RNF220: variants seen among roughly 807,000 people sequenced by gnomAD.
RNF220 encodes E3 ubiquitin-protein ligase RNF220.
In RNF220, 7 loss-of-function variants were observed where a neutral mutation model predicts 67.1. The observed-to-expected ratio is 0.10, with a 90% CI of 0.06 to 0.20. The LOEUF (loss-of-function observed/expected upper bound fraction) is 0.20, where lower values mean the gene tolerates loss of function less well. Among genes scored for constraint, RNF220 ranks in the 10% least tolerant of loss-of-function variants. The pLI, the probability that RNF220 is intolerant of heterozygous loss-of-function variation, is 1.00. For synonymous variants in RNF220, 270 were observed against 283.2 expected, an observed-to-expected ratio of 0.95 and a Z score of 0.47; for missense variants, 565 against 740.3, an observed-to-expected ratio of 0.76 and a Z score of 2.75.
intron 2 of RNF220, among the ~76,000 whole-genome samples, chr1:44,498,501 T>C (rs12081488): frequency 0.01 from 1,587 of 152,224 alleles, 27 homozygotes; most frequent in African/African-American, 0.036. Context: ...ACTGATATCC[T>C]TGAAGTCCCC....
chr1:44,577,252 C>A (rs1441873174), intron 2 of RNF220, among the ~76,000 whole-genome samples: 1 of 152,172 alleles, frequency 6.6e-6, no homozygotes, highest in African/African-American at 2.4e-5. Flanking sequence ...AAGTACAAGC[C>A]CCTGCAGCCT....
At chr1:44,495,685 T>G (rs1429509043) in intron 2 of RNF220, among the ~76,000 whole-genome samples, 1 of 152,186 alleles carries the variant, frequency 6.6e-6, no homozygotes, top group African/African-American at 2.4e-5. Context: ...CTGCCCACCT[T>G]GGCCTCCCAA....
intron 8 of RNF220, among the ~76,000 whole-genome samples, chr1:44,640,100 C>T (rs1644444720): frequency 6.6e-6 from 1 of 152,264 alleles, no homozygotes; most frequent in Non-Finnish European, 1.5e-5. Flanking sequence ...TGGCACAAAT[C>T]TTTTATCTGG....
chr1:44,632,631 C>A (rs904280689), intron 6 of RNF220: 3 of 582,608 alleles, frequency 5.1e-6, no homozygotes, highest in Non-Finnish European at 9.2e-6. Context: ...CCTGGGGGGG[C>A]AATAAGTGCC....
At chr1:44,463,801 A>G (rs1654017988) in intron 2 of RNF220, among the ~76,000 whole-genome samples, 1 of 152,164 alleles carries the variant, frequency 6.6e-6, no homozygotes, top group South Asian at 2.1e-4. Context: ...CTCCCTTCTA[A>G]TTCACTCATG....
chr1:44,474,188 A>G (rs1314444791), intron 2 of RNF220, among the ~76,000 whole-genome samples: 1 of 151,942 alleles, frequency 6.6e-6, no homozygotes, highest in African/African-American at 2.4e-5. Context: ...CAGCCTGGCC[A>G]ACATGGTGAA....
intron 2 of RNF220, among the ~76,000 whole-genome samples, chr1:44,510,692 G>A (rs1658914680): frequency 1.3e-5 from 2 of 152,090 alleles, no homozygotes. Context: ...ATGGTTTCTA[G>A]TGGCACGATG....
At chr1:44,551,656 A>G (rs968480900) in intron 2 of RNF220, among the ~76,000 whole-genome samples, 9 of 152,182 alleles carry the variant, frequency 5.9e-5, no homozygotes, top group African/African-American at 2.2e-4. Context: ...CAATTTTTAA[A>G]TCTTTACTAA....
At chr1:44,544,268 A>G (rs1325842800) in intron 2 of RNF220, among the ~76,000 whole-genome samples, 1 of 152,206 alleles carries the variant, frequency 6.6e-6, no homozygotes, top group African/African-American at 2.4e-5. Flanking sequence ...ACTGCTCTCC[A>G]TCCCTGTCTT....
At chr1:44,575,734 G>A (rs780709859) in intron 2 of RNF220, among the ~76,000 whole-genome samples, 2 of 152,154 alleles carry the variant, frequency 1.3e-5, no homozygotes, top group African/African-American at 2.4e-5. Flanking sequence ...TATGGAAAAC[G>A]ATATGGAGAT....
At chr1:44,587,361 GGT>G (rs1358641175) in intron 2 of RNF220, among the ~76,000 whole-genome samples, 1 of 151,894 alleles carries the variant, frequency 6.6e-6, no homozygotes, top group Admixed American at 6.6e-5. Flanking sequence ...TGGCCAGGCT[GGT>G]CTCAAACTCC....
At chr1:44,532,358 T>C (rs1660898921) in intron 2 of RNF220, among the ~76,000 whole-genome samples, 1 of 152,210 alleles carries the variant, frequency 6.6e-6, no homozygotes, top group African/African-American at 2.4e-5. Flanking sequence ...ATGCTGTTTT[T>C]TTAGATAGAA....
chr1:44,569,856 C>A (rs191356831), intron 2 of RNF220, among the ~76,000 whole-genome samples: 1 of 152,290 alleles, frequency 6.6e-6, no homozygotes, highest in East Asian at 1.9e-4. Flanking sequence ...CGCCCTCTAC[C>A]CGCATCGTCC....
intron 2 of RNF220, among the ~76,000 whole-genome samples, chr1:44,498,739 C>T (rs1226285471): frequency 2.0e-5 from 3 of 152,282 alleles, no homozygotes; most frequent in South Asian, 2.1e-4. Context: ...AAACATGGAT[C>T]GCTGGGCCCC....
chr1:44,597,040 G>A (rs1208220485), intron 2 of RNF220, among the ~76,000 whole-genome samples: 4 of 152,186 alleles, frequency 2.6e-5, no homozygotes, highest in Admixed American at 2.0e-4. Context: ...GAAAGGGATT[G>A]GCAGAGGAGC....
Position 44,645,353 on chromosome 1 carries a change from C to T in RNF220, c.1367-57C>T, listed in dbSNP as rs1473410413. 1 of 1,612,988 alleles carries T rather than the reference C, an allele frequency of 6.2e-7. No homozygotes were observed. The highest frequency in any genetic ancestry group is 8.5e-7 in the Non-Finnish European group (1 of 1,178,926). ...TGGTGGTGACTGACTCAAGCCCAACCCCTCACCTGTGCTGCCCAGTCTGGC... is the reference window on the plus strand; with the variant it reads ...TGGTGGTGACTGACTCAAGCCCAACTCCTCACCTGTGCTGCCCAGTCTGGC... On this transcript the variant is annotated intron_variant, in intron 11 of 14. Transcript: ENST00000361799. The surrounding 1 kb of genome is among the most constrained non-coding windows in gnomAD (Gnocchi z 5.0).
chr1:44,520,133 G>GAC (rs1423053733), intron 2 of RNF220, among the ~76,000 whole-genome samples: 1 of 150,232 alleles, frequency 6.7e-6, no homozygotes. Flanking sequence ...GTGTGTGAGA[G>GAC]AGAGAGAGAG....
At chr1:44,449,742 A>G (rs1361864498) in intron 2 of RNF220, among the ~76,000 whole-genome samples, 1 of 152,164 alleles carries the variant, frequency 6.6e-6, no homozygotes, top group Non-Finnish European at 1.5e-5. Context: ...CTCTCAGATT[A>G]TGATTCATTC....
At chr1:44,586,581 G>T (rs1336411369) in intron 2 of RNF220, among the ~76,000 whole-genome samples, 6 of 152,092 alleles carry the variant, frequency 3.9e-5, no homozygotes, top group Admixed American at 1.3e-4. Context: ...GAAATGAGGC[G>T]ACAGGCACAG....
Sources: gnomAD v4.1 joint callset for allele counts (sites outside exome capture counted in the v4.1 genomes callset) on GRCh38, gnomAD v4.1.1 for gene constraint, Gnocchi (gnomAD v3.1) non-coding constraint, MANE v1.5 for transcripts, NCBI Gene and HGNC (gene_info 2026-07-23, HGNC 2026-07-21) for gene names.